The following COMMD7 variants were observed in gnomAD, a reference collection of about 807,000 sequenced individuals.
COMMD7 encodes the protein COMM domain containing 7.
A neutral mutation model predicts 34.8 loss-of-function variants in COMMD7; 28 were observed. That is an observed-to-expected ratio of 0.80 (90% confidence interval 0.60 to 1.10). COMMD7 has a LOEUF of 1.10. Among genes scored for constraint, COMMD7 ranks in the 50% least tolerant of loss-of-function variants. COMMD7 has a pLI of 0.00. For synonymous variants in COMMD7, 80 were observed against 86.4 expected, an observed-to-expected ratio of 0.93 and a Z score of 0.41; for missense variants, 211 against 241.6, an observed-to-expected ratio of 0.87 and a Z score of 0.84.
At chr20:32,735,528 A>C (rs1267966585) in intron 1 of COMMD7, among the ~76,000 whole-genome samples, 2 of 152,048 alleles carry the variant, frequency 1.3e-5, no homozygotes, top group Non-Finnish European at 2.9e-5. Flanking sequence ...TGTTGGCCAG[A>C]CTGGTCTTAG....
chr20:32,716,801 G>C (rs1256238843), intron 3 of COMMD7, among the ~76,000 whole-genome samples: 1 of 151,266 alleles, frequency 6.6e-6, no homozygotes, highest in Non-Finnish European at 1.5e-5. Context: ...CCAGTTCAGA[G>C]AGCAGTAAGG....
rs746752331 is a variant in COMMD7, at chr20:32,736,686, AAAC to A, written c.84+6619_84+6621del. 3.0e-4 allele frequency among the ~76,000 whole-genome samples: 46 copies of A among 151,940 alleles called. No individual in the cohort carries two copies. The East Asian group carries it at 6.2e-3, about 21-fold the overall frequency. ...CTCTGACTCAAACAAACAAACAAAC[AAAC>A]AACAACAACAAAAAAAACCAATAAA... On this transcript the variant is annotated intron_variant, in intron 1 of 8. Transcript: ENST00000278980.
chr20:32,743,143 C>T (rs1986529696), intron 1 of COMMD7, among the ~76,000 whole-genome samples, 165 bp downstream of exon 1: 1 of 152,112 alleles, frequency 6.6e-6, no homozygotes, highest in Admixed American at 6.6e-5. Context: ...CCCCAGCTCA[C>T]CTTAGCCTCG....
At position 32,703,266 on chromosome 20, in the gene COMMD7, C is replaced by T. The variant is rs1022611173; in HGVS notation, c.*116G>A. 4.5e-6 allele frequency: 4 copies of T among 883,038 alleles called. No individual in the cohort carries two copies. In the African/African-American group the frequency reaches 6.8e-5, roughly 15 times the overall value. 54.7% of individuals were successfully genotyped at this position (883,038 alleles called of 1,614,324 possible). On this transcript the variant is annotated 3_prime_UTR_variant, in exon 9 of 9. Transcript: ENST00000278980. ...CCCTTTGCACCTGGGCCCCATGGAG[C>T]CAGCAGGGCCCCATGGAGCATCCCA...
At chr20:32,736,604 AG>A (rs1986140208) in intron 1 of COMMD7, among the ~76,000 whole-genome samples, 1 of 152,242 alleles carries the variant, frequency 6.6e-6, no homozygotes, top group East Asian at 1.9e-4. Flanking sequence ...CAGGAGGCAG[AG>A]GTTGCAGTGA....
chr20:32,712,623 A>AAAG (rs1410511180), intron 3 of COMMD7, among the ~76,000 whole-genome samples: 3 of 151,416 alleles, frequency 2.0e-5, no homozygotes, highest in African/African-American at 7.3e-5. Flanking sequence ...AAAAAAAAAA[A>AAAG]AAAGAAAATT....
chr20:32,718,257 G>A (rs1223842054), intron 3 of COMMD7, among the ~76,000 whole-genome samples: 3 of 151,568 alleles, frequency 2.0e-5, no homozygotes, highest in Non-Finnish European at 4.4e-5. Flanking sequence ...ACAAAAAATT[G>A]GCCGGGCGTG....
At position 32,703,112 on chromosome 20, in the gene COMMD7, A is replaced by T; in HGVS notation, c.*270T>A. On this transcript the variant is annotated 3_prime_UTR_variant, in exon 9 of 9. Transcript: ENST00000278980. ...ACTTATTTTCTCCCCTGAATCTGAG[A>T]TGCAGTGGCCTGTCAGAGTATCTAA... The T allele has an allele frequency of 3.0e-6, 1 of 328,796 alleles. No homozygotes were observed. 20.4% of individuals were successfully genotyped at this position (328,796 alleles called of 1,614,324 possible).
At chr20:32,703,524 A>T in intron 8 of COMMD7, 66 bp from the exon 9 acceptor site, 1 of 1,568,288 alleles carries the variant, frequency 6.4e-7, no homozygotes, top group Non-Finnish European at 8.6e-7. Context: ...AAGAAAATTA[A>T]TTTCCACCCG....
intron 1 of COMMD7, among the ~76,000 whole-genome samples, chr20:32,737,621 G>A (rs1354355126): frequency 6.6e-6 from 1 of 151,938 alleles, no homozygotes; most frequent in Non-Finnish European, 1.5e-5. Context: ...TTAAGGCCAG[G>A]AGGCCCAGAC....
chr20:32,737,199 T>C (rs921376167), intron 1 of COMMD7, among the ~76,000 whole-genome samples: 1 of 148,066 alleles, frequency 6.8e-6, no homozygotes, highest in African/African-American at 2.5e-5. Context: ...AAGAAATATA[T>C]ACATATACAT....
In COMMD7 at chr20:32,729,519, G is replaced by A. The variant is rs559830287; in HGVS notation, c.85-1377C>T. Among the ~76,000 whole-genome samples, 12 of 151,488 alleles carry A rather than the reference G, an allele frequency of 7.9e-5. No individual in the cohort carries two copies. The East Asian group carries it at 2.3e-3, about 30-fold the overall frequency. On this transcript the variant is annotated intron_variant, in intron 1 of 8. Coordinates refer to ENST00000278980, the MANE Select transcript of COMMD7 (RefSeq NM_053041.3). The stretch of plus-strand genomic sequence containing the variant: ...GAAGAGGCCAGGTGCAGTGGCTCAC[G>A]CCTGTAATCCCAGCATTTTGGGAGA...
At chr20:32,725,915 T>A (rs889479231) in intron 3 of COMMD7, among the ~76,000 whole-genome samples, 4 of 150,844 alleles carry the variant, frequency 2.7e-5, no homozygotes, top group African/African-American at 9.8e-5. Flanking sequence ...ATACAAAAAA[T>A]AGCCAGGCAT....
In COMMD7 at chr20:32,704,437, T is replaced by G; in HGVS notation, c.477+3A>C. The G allele has an allele frequency of 6.2e-7, 1 of 1,610,578 alleles. No homozygotes were observed. Among genetic ancestry groups the G allele is most frequent in the South Asian group, 1.1e-5 (1 of 90,256 alleles). On this transcript the variant is annotated splice_donor_region_variant and intron_variant, in intron 7 of 8. Coordinates refer to ENST00000278980, the MANE Select transcript of COMMD7 (RefSeq NM_053041.3). ...CATTTTCAAGGATCAGGAGAAGACT[T>G]ACTTGTAAAAATATACTTCCCACTT... is the stretch of plus-strand genomic sequence containing the variant.
At chr20:32,703,851 T>A in intron 8 of COMMD7, 172 bp downstream of exon 8, 1 of 1,546,476 alleles carries the variant, frequency 6.5e-7, no homozygotes, top group Non-Finnish European at 8.7e-7. Flanking sequence ...TGCCAGTGGC[T>A]TTCTAACACT....
chr20:32,710,881 C>A (rs1433291429), intron 3 of COMMD7, among the ~76,000 whole-genome samples: 1 of 152,000 alleles, frequency 6.6e-6, no homozygotes, highest in Non-Finnish European at 1.5e-5. Context: ...GAATTTGAGA[C>A]TAGCCTGGGC....
rs56381432 is a variant in COMMD7, at chr20:32,725,431, G to GTTTT, written c.241+2458_241+2461dup. Among the ~76,000 whole-genome samples, 301 of 129,938 alleles carry GTTTT rather than the reference G, an allele frequency of 2.3e-3. 12 individuals are homozygous for GTTTT. The highest frequency in any genetic ancestry group is 4.5e-3 in the Middle Eastern group (1 of 222). The allele number at this position is 129,938 out of a possible 152,430, so 85.2% of individuals were successfully genotyped here. A position where few individuals can be genotyped will look rare whatever the true frequency, so the allele number is the denominator to read the frequency against. ...TCTCTATAGCTCTATACTGTGTTTT[G>GTTTT]TTTTTTTTTTTTTTTGAGACGGAGT... is the stretch of plus-strand genomic sequence containing the variant. On this transcript the variant is annotated intron_variant, in intron 3 of 8. Coordinates refer to ENST00000278980, the MANE Select transcript of COMMD7 (RefSeq NM_053041.3).
At chr20:32,712,268 TC>T (rs1568776306) in intron 3 of COMMD7, among the ~76,000 whole-genome samples, 1 of 11,776 alleles carries the variant, frequency 8.5e-5, no homozygotes, top group East Asian at 1.7e-3. Context: ...AGACTCCGTC[TC>T]AAAAAAAAAA....
intron 3 of COMMD7, among the ~76,000 whole-genome samples, chr20:32,719,305 G>A (rs1334414688): frequency 2.0e-5 from 3 of 152,134 alleles, no homozygotes; most frequent in Admixed American, 2.0e-4. Flanking sequence ...TTCTGGGATG[G>A]CAGCCTTTGG....
Sources: gnomAD v4.1 joint callset for allele counts (sites outside exome capture counted in the v4.1 genomes callset) on GRCh38, gnomAD v4.1.1 for gene constraint, MANE v1.5 for transcripts, NCBI Gene and HGNC (gene_info 2026-07-23, HGNC 2026-07-21) for gene names.